The following CDKAL1 variants were observed in gnomAD, a reference collection of about 807,000 sequenced individuals.
CDKAL1 encodes the protein threonylcarbamoyladenosine tRNA methylthiotransferase.
In CDKAL1, 32 loss-of-function variants were observed where a neutral mutation model predicts 68.2. That is an observed-to-expected ratio of 0.47 (90% CI 0.35 to 0.63). CDKAL1 has a LOEUF of 0.63. Among genes scored for constraint, CDKAL1 ranks in the 30% least tolerant of loss-of-function variants. The pLI, the probability that CDKAL1 is intolerant of heterozygous loss-of-function variation, is 0.00. For missense variants in CDKAL1, 606 were observed against 696.7 expected, an observed-to-expected ratio of 0.87 and a Z score of 1.47; for synonymous variants, 234 against 244.3, an observed-to-expected ratio of 0.96 and a Z score of 0.39.
intron 11 of CDKAL1, among the ~76,000 whole-genome samples, chr6:21,020,847 G>A (rs918140006): frequency 2.0e-5 from 3 of 149,602 alleles, no homozygotes; most frequent in Non-Finnish European, 3.0e-5. Flanking sequence ...CTGGGCTCAA[G>A]CGATCCTTTT....
chr6:20,998,013 C>A (rs889480423), intron 10 of CDKAL1, among the ~76,000 whole-genome samples: 2 of 152,190 alleles, frequency 1.3e-5, no homozygotes, highest in African/African-American at 4.8e-5. Flanking sequence ...ATCCTTCTCT[C>A]CATTTTATAG....
At chr6:20,670,219 C>A (rs995122704) in intron 5 of CDKAL1, among the ~76,000 whole-genome samples, 1 of 152,102 alleles carries the variant, frequency 6.6e-6, no homozygotes, top group Admixed American at 6.5e-5. Flanking sequence ...ATGTTTAGTC[C>A]TTTTTGTGAA....
chr6:21,108,441 C>G lies in CDKAL1; in HGVS notation c.1277C>G (p.Ser426Cys). ...RTKDLSRVFH[S>C]YSPYDHKIGE... The stretch of plus-strand genomic sequence containing the variant: ...AAAGATCTTTCTCGGGTGTTTCATT[C>G]TTACAGTCCATATGATCACAAGGTA... The change falls in exon 13 of 16, where the codon TCT becomes TGT. Residue 426 changes from serine (S) to cysteine (C), a missense_variant. Transcript: ENST00000274695. 2 of 1,604,150 alleles carry G rather than the reference C, an allele frequency of 1.2e-6. No homozygotes were observed. The highest frequency in any genetic ancestry group is 8.5e-7 in the Non-Finnish European group (1 of 1,176,388).
chr6:21,042,533 A>G (rs1582083552), intron 11 of CDKAL1, among the ~76,000 whole-genome samples: 1 of 152,080 alleles, frequency 6.6e-6, no homozygotes, highest in East Asian at 1.9e-4. Flanking sequence ...CTCCCTTTTT[A>G]CTGTCTCCAC....
chr6:20,868,441 AT>A (rs1206728554), intron 9 of CDKAL1, among the ~76,000 whole-genome samples: 1 of 152,194 alleles, frequency 6.6e-6, no homozygotes, highest in Non-Finnish European at 1.5e-5. Flanking sequence ...CTGCTCCCCA[AT>A]AGCCATTGTG....
At chr6:20,797,936 C>T (rs933344071) in intron 8 of CDKAL1, among the ~76,000 whole-genome samples, 20 of 151,772 alleles carry the variant, frequency 1.3e-4, no homozygotes, top group African/African-American at 4.4e-4. Flanking sequence ...CCCACCTCAG[C>T]CCCCGGAGTA....
chr6:20,649,234 A>G, intron 4 of CDKAL1, 59 bp from the exon 5 acceptor site: 1 of 1,159,724 alleles, frequency 8.6e-7, no homozygotes, highest in Non-Finnish European at 1.3e-6. Context: ...GTGCCACTGG[A>G]TATTTTTGAA....
At chr6:21,183,512 TAG>T (rs1238657473) in intron 13 of CDKAL1, among the ~76,000 whole-genome samples, 3 of 152,192 alleles carry the variant, frequency 2.0e-5, no homozygotes, top group African/African-American at 7.2e-5. Context: ...AAGCAGCAAT[TAG>T]AGCTCCAAGA....
In CDKAL1 at chr6:21,065,079, A is replaced by C. The variant is rs1022424482; in HGVS notation, c.1087A>C (p.Ile363Leu). ...TGGAATAACTATTGCTACAGATATTATCTGTGGTTTTCCTGGAGAAACAGA... is the reference window on the plus strand; with the variant it reads ...TGGAATAACTATTGCTACAGATATTCTCTGTGGTTTTCCTGGAGAAACAGA... ...VPGITIATDI[I>L]CGFPGETDQD... is the part of the protein sequence containing the mutation. The change falls in exon 12 of 16, where the codon ATC (isoleucine) becomes CTC (leucine). Residue 363 changes from isoleucine to leucine, a missense_variant. Physicochemically the swap from Ile to Leu is conservative, Grantham distance 5. Transcript: ENST00000274695. 3.8e-6 allele frequency: 6 copies of C among 1,598,292 alleles called. No individual in the cohort carries two copies. The African/African-American group carries it at 8.1e-5, about 22-fold the overall frequency.
chr6:21,103,221 G>A (rs1773669196), intron 12 of CDKAL1, among the ~76,000 whole-genome samples: 1 of 152,148 alleles, frequency 6.6e-6, no homozygotes, highest in African/African-American at 2.4e-5. Context: ...TTAAGTTCGT[G>A]GATGCTGCTA....
chr6:20,939,931 A>G (rs1174539549), intron 9 of CDKAL1, among the ~76,000 whole-genome samples: 1 of 152,198 alleles, frequency 6.6e-6, no homozygotes, highest in Non-Finnish European at 1.5e-5. Context: ...AATGGTTTAC[A>G]GTTAGAAGCA....
chr6:20,787,788 A>T (rs1159394562), intron 8 of CDKAL1, among the ~76,000 whole-genome samples: 2 of 152,218 alleles, frequency 1.3e-5, no homozygotes, highest in East Asian at 3.9e-4. Context: ...TTGGTCTGTG[A>T]TGAGTACACA....
chr6:20,914,133 C>CA (rs1404931808), intron 9 of CDKAL1, among the ~76,000 whole-genome samples: 1 of 151,382 alleles, frequency 6.6e-6, no homozygotes, highest in Non-Finnish European at 1.5e-5. Context: ...ACTAAAAATA[C>CA]AAAAAAATTA....
At chr6:21,097,558 A>G (rs550104470) in intron 12 of CDKAL1, among the ~76,000 whole-genome samples, 1 of 151,578 alleles carries the variant, frequency 6.6e-6, no homozygotes, top group African/African-American at 2.4e-5. Context: ...GTCTGGCTAC[A>G]TTCTGGACTG....
At chr6:21,040,804 T>G (rs1367569271) in intron 11 of CDKAL1, among the ~76,000 whole-genome samples, 2 of 152,194 alleles carry the variant, frequency 1.3e-5, no homozygotes, top group African/African-American at 2.4e-5. Flanking sequence ...TTGCATTGAA[T>G]AATGCATAGA....
chr6:20,661,076 T>C (rs1769263661), intron 5 of CDKAL1, among the ~76,000 whole-genome samples: 1 of 152,150 alleles, frequency 6.6e-6, no homozygotes, highest in South Asian at 2.1e-4. Context: ...AGGACAGTGA[T>C]GTCTCTGTTA....
intron 9 of CDKAL1, among the ~76,000 whole-genome samples, chr6:20,899,306 A>G (rs543676175): frequency 2.6e-5 from 4 of 151,698 alleles, no homozygotes; most frequent in East Asian, 2.0e-4. Flanking sequence ...CTCGTGATCC[A>G]CCTGCCTCGG....
chr6:21,015,797 C>T (rs866033125), intron 11 of CDKAL1, among the ~76,000 whole-genome samples: 2 of 151,620 alleles, frequency 1.3e-5, no homozygotes, highest in African/African-American at 4.9e-5. Context: ...CGTGATGGTG[C>T]GCACCTGTAA....
intron 4 of CDKAL1, among the ~76,000 whole-genome samples, chr6:20,608,171 T>G (rs1471718810): frequency 6.6e-6 from 1 of 152,218 alleles, no homozygotes; most frequent in Non-Finnish European, 1.5e-5. Context: ...AGCATTATTA[T>G]CCTTGGTAAT....
Sources: gnomAD v4.1 joint callset for allele counts (sites outside exome capture counted in the v4.1 genomes callset) on GRCh38, gnomAD v4.1.1 for gene constraint, MANE v1.5 for transcripts, NCBI Gene and HGNC (gene_info 2026-07-23, HGNC 2026-07-21) for gene names.